Variants in OR10J1 observed in about 807,000 individuals in gnomAD.
OR10J1 encodes the protein olfactory receptor family 10 subfamily J member 1, also known as olfactory receptor 10J1.
For missense variants in OR10J1, 474 were observed against 376.6 expected (o/e 1.26, Z -2.14); for synonymous variants, 202 against 143.8 (o/e 1.40, Z -2.89).
chr1:159,424,191 G>GGGTGACA, the OR10J1 span, among the ~76,000 whole-genome samples: 267 of 151,128 alleles, frequency 1.8e-3, 2 homozygotes, highest in Middle Eastern at 0.01. Context: ...ACTCTAGCAT[G>GGGTGACA]GGTGACAGAG....
At chr1:159,412,505 C>T in the OR10J1 span, among the ~76,000 whole-genome samples, 1 of 145,936 alleles carries the variant, frequency 6.9e-6, no homozygotes, top group Non-Finnish European at 1.5e-5. Context: ...ATCAACGGAA[C>T]AGAACAGAGC....
At chr1:159,412,996 A>C in the OR10J1 span, among the ~76,000 whole-genome samples, 1 of 152,146 alleles carries the variant, frequency 6.6e-6, no homozygotes, top group Non-Finnish European at 1.5e-5. Context: ...TACAAGAAAA[A>C]AACAAACAAC....
At chr1:159,430,911 G>A in the OR10J1 span, among the ~76,000 whole-genome samples, 10 of 152,234 alleles carry the variant, frequency 6.6e-5, no homozygotes, top group Admixed American at 1.3e-4. Flanking sequence ...CAAATGAAAC[G>A]AGCAAAGAAA....
the OR10J1 span, among the ~76,000 whole-genome samples, chr1:159,424,707 A>T: frequency 1.3e-5 from 2 of 152,068 alleles, no homozygotes; most frequent in Non-Finnish European, 2.9e-5. Context: ...TAAAAAGATT[A>T]AAAAGTTAGG....
chr1:159,400,884 TA>T, the OR10J1 span, among the ~76,000 whole-genome samples: 1 of 151,954 alleles, frequency 6.6e-6, no homozygotes, highest in Non-Finnish European at 1.5e-5. Context: ...AAACAAGTCT[TA>T]AAACATTCAA....
chr1:159,407,789 C>A, the OR10J1 span, among the ~76,000 whole-genome samples: 1 of 152,068 alleles, frequency 6.6e-6, no homozygotes, highest in Non-Finnish European at 1.5e-5. Flanking sequence ...TTCTTATTCC[C>A]ATACTATGTG....
chr1:159,428,416 G>T, the OR10J1 span, among the ~76,000 whole-genome samples: 3 of 151,802 alleles, frequency 2.0e-5, no homozygotes, highest in Non-Finnish European at 4.4e-5. Flanking sequence ...TTTCAGTATC[G>T]GGTTTCCTTT....
At chr1:159,439,404 T>C (rs903495397), upstream of OR10J1, among the ~76,000 whole-genome samples, 2 of 152,082 alleles carry the variant, frequency 1.3e-5, no homozygotes, top group African/African-American at 4.8e-5. Context: ...CATGAGAACC[T>C]CTGAGTGTAA....
chr1:159,434,670 C>A (rs551949444), upstream of OR10J1, among the ~76,000 whole-genome samples: 92 of 152,280 alleles, frequency 6.0e-4, no homozygotes, highest in African/African-American at 2.1e-3. Context: ...TCTGCCATTA[C>A]AAGCATGTGT....
At chr1:159,412,227 A>T in the OR10J1 span, among the ~76,000 whole-genome samples, 12,192 of 151,914 alleles carry the variant, frequency 0.08, 1,124 homozygotes, top group African/African-American at 0.23. Context: ...GCTCATGGGT[A>T]GGAAGAATCA....
chr1:159,412,533 C>A, the OR10J1 span, among the ~76,000 whole-genome samples: 1 of 147,324 alleles, frequency 6.8e-6, no homozygotes, highest in Admixed American at 6.8e-5. Flanking sequence ...AATAATGCCA[C>A]ATATCTACAA....
chr1:159,399,443 C>T, the OR10J1 span, among the ~76,000 whole-genome samples: 1 of 151,692 alleles, frequency 6.6e-6, no homozygotes, highest in Non-Finnish European at 1.5e-5. Context: ...TCGTGGTGGG[C>T]ACCTGTAGTC....
the OR10J1 span, among the ~76,000 whole-genome samples, chr1:159,397,748 G>A: frequency 6.6e-6 from 1 of 152,196 alleles, no homozygotes; most frequent in Admixed American, 6.5e-5. Context: ...TAGAATACCA[G>A]ATAGTCTCCT....
At chr1:159,411,642 C>T in the OR10J1 span, among the ~76,000 whole-genome samples, 1 of 152,216 alleles carries the variant, frequency 6.6e-6, no homozygotes, top group Non-Finnish European at 1.5e-5. Context: ...TGAGTCTTGA[C>T]TCTTTATCCA....
At chr1:159,435,127 T>TGGTGTC (rs1301117655), upstream of OR10J1, among the ~76,000 whole-genome samples, 3 of 152,146 alleles carry the variant, frequency 2.0e-5, no homozygotes, top group East Asian at 3.9e-4. Context: ...CTAAGCAAAG[T>TGGTGTC]GGTGTCTATG....
At chr1:159,404,606 C>T in the OR10J1 span, among the ~76,000 whole-genome samples, 2 of 152,112 alleles carry the variant, frequency 1.3e-5, no homozygotes, top group African/African-American at 2.4e-5. Flanking sequence ...TGGGTAGACA[C>T]GCTTCATAGA....
At chr1:159,420,679 C>A in the OR10J1 span, among the ~76,000 whole-genome samples, 1 of 151,808 alleles carries the variant, frequency 6.6e-6, no homozygotes, top group African/African-American at 2.4e-5. Context: ...GGCATAAAAT[C>A]CTTGGTTAGT....
At chr1:159,422,365 T>G in the OR10J1 span, among the ~76,000 whole-genome samples, 1 of 152,146 alleles carries the variant, frequency 6.6e-6, no homozygotes. Flanking sequence ...GAAGCAACCT[T>G]AGGCATGTTG....
the OR10J1 span, among the ~76,000 whole-genome samples, chr1:159,423,560 C>A: frequency 6.6e-6 from 1 of 152,182 alleles, no homozygotes; most frequent in South Asian, 2.1e-4. Context: ...TTCCCATATT[C>A]AAGTAAAATA....
Sources: gnomAD v4.1 joint callset for allele counts (sites outside exome capture counted in the v4.1 genomes callset) on GRCh38, gnomAD v4.1.1 for gene constraint, MANE v1.5 for transcripts, NCBI Gene and HGNC (gene_info 2026-07-23, HGNC 2026-07-21) for gene names.